The following IER3IP1 variants were observed in gnomAD, a reference collection of about 807,000 sequenced individuals.
IER3IP1 encodes immediate early response 3-interacting protein 1.
IER3IP1 carries 16 observed loss-of-function variants against 12.2 expected under a neutral mutation model. The observed-to-expected ratio is 1.31, with a 90% CI of 0.89 to 1.99. The LOEUF is 1.99. Ranked by LOEUF, IER3IP1 falls within the 30% of genes most tolerant of loss-of-function variation. The pLI, the probability that IER3IP1 is intolerant of heterozygous loss-of-function variation, is 0.00. For synonymous variants in IER3IP1, 42 were observed against 40.0 expected, an observed-to-expected ratio of 1.05 and a Z score of -0.19; for missense variants, 95 against 95.8, an observed-to-expected ratio of 0.99 and a Z score of 0.03.
chr18:47,171,066 TTGAG>T (rs1192880028), intron 1 of IER3IP1, among the ~76,000 whole-genome samples: 16 of 135,276 alleles, frequency 1.2e-4, no homozygotes, highest in Admixed American at 2.3e-4. Flanking sequence ...TGTTAGTTTG[TTGAG>T]TATTTTTTTT....
At chr18:47,176,358 TTCCTACGGAAGC>T in exon 1 of IER3IP1, 1 of 1,272,058 alleles carries the variant, frequency 7.9e-7, no homozygotes, top group African/African-American at 1.5e-5. Context: ...GGCCGGCGCC[TTCCTACGGAAGC>T]CGATGGGGCC....
At chr18:47,165,988 A>G (rs927014305) in intron 1 of IER3IP1, among the ~76,000 whole-genome samples, 3 of 152,272 alleles carry the variant, frequency 2.0e-5, no homozygotes, top group African/African-American at 7.2e-5. Flanking sequence ...TGTTCATAAC[A>G]TATACCTAGT....
chr18:47,168,176 G>C (rs2064002885), intron 1 of IER3IP1, among the ~76,000 whole-genome samples: 1 of 137,796 alleles, frequency 7.3e-6, no homozygotes, highest in African/African-American at 2.7e-5. Flanking sequence ...GTGGTGGTGG[G>C]TTCCTGTAAT....
intron 1 of IER3IP1, among the ~76,000 whole-genome samples, chr18:47,160,580 AT>A (rs1240854514): frequency 6.6e-6 from 1 of 152,202 alleles, no homozygotes; most frequent in African/African-American, 2.4e-5. Context: ...GAACATGGTA[AT>A]AGTTCCGCCT....
chr18:47,169,595 T>C (rs1477474275), intron 1 of IER3IP1, among the ~76,000 whole-genome samples: 1 of 151,230 alleles, frequency 6.6e-6, no homozygotes, highest in Non-Finnish European at 1.5e-5. Flanking sequence ...TTTTTAACTT[T>C]TTTATTTATT....
In IER3IP1 at chr18:47,157,466, G is replaced by C. The variant is rs763173824; in HGVS notation, c.163C>G (p.Leu55Val). 1 of 1,613,986 alleles carries C rather than the reference G, an allele frequency of 6.2e-7. No homozygotes were observed. The highest frequency in any genetic ancestry group is 1.7e-4 in the Middle Eastern group (1 of 6,060). The change falls in exon 2 of 3, where the codon CTT (leucine) becomes GTT (valine). Residue 55 changes from leucine (L) to valine (V), a missense_variant. Leu to Val is a conservative substitution (Grantham distance 32, BLOSUM62 1). Coordinates refer to ENST00000256433, the MANE Select transcript of IER3IP1 (RefSeq NM_016097.5). ...ATCACGGTTCTTACAGATCGAATAA[G>C]GTTCATTAGCTGTGATTTAATTCCC... ...EPGIKSQLMN[L>V]IRSVRTVMRV...
At chr18:47,159,043 C>CA (rs575793421) in intron 1 of IER3IP1, among the ~76,000 whole-genome samples, 3 of 151,910 alleles carry the variant, frequency 2.0e-5, no homozygotes, top group East Asian at 1.9e-4. Flanking sequence ...CCACTTTACA[C>CA]AAAAAAATAG....
At chr18:47,166,562 C>T (rs1283157365) in intron 1 of IER3IP1, among the ~76,000 whole-genome samples, 1 of 152,016 alleles carries the variant, frequency 6.6e-6, no homozygotes, top group Non-Finnish European at 1.5e-5. Context: ...GGAAGGGGCA[C>T]CTTATGGTAG....
At position 47,156,228 on chromosome 18, in the gene IER3IP1, T is replaced by G; in HGVS notation, c.198A>C (p.Pro66=). 1 of 1,546,554 alleles carries G rather than the reference T, an allele frequency of 6.5e-7. No individual in the cohort carries two copies. The highest frequency in any genetic ancestry group is 8.9e-7 in the Non-Finnish European group (1 of 1,122,510). Reference sequence around the variant, plus strand: ...TTGCAATTGAGTTTACTATTATCAATGGCACTGTAAAGAGAAAAAAAAAAG... The same window carrying G: ...TTGCAATTGAGTTTACTATTATCAAGGGCACTGTAAAGAGAAAAAAAAAAG... ...IRSVRTVMRV[P]LIIVNSIAIV... The change falls in exon 3 of 3, where the codon CCA becomes CCC. Residue 66 remains proline (P), a synonymous_variant. Coordinates refer to ENST00000256433, the MANE Select transcript of IER3IP1 (RefSeq NM_016097.5).
At chr18:47,163,044 C>T (rs2063984751) in intron 1 of IER3IP1, among the ~76,000 whole-genome samples, 1 of 151,970 alleles carries the variant, frequency 6.6e-6, no homozygotes, top group Non-Finnish European at 1.5e-5. Context: ...ACTCCAAGAT[C>T]CCCAGGGGAT....
In IER3IP1 at chr18:47,172,837, G is replaced by A. The variant is rs150654270; in HGVS notation, c.91+3350C>T. On this transcript the variant is annotated intron_variant, in intron 1 of 2. Transcript: ENST00000256433. The surrounding 1 kb of genome is among the most constrained non-coding windows in gnomAD (Gnocchi z 4.0). Reference sequence around the variant, plus strand: ...TGTAGTATCTCTTCAAACACTTCCTGACTCTGGTGAAATCCCACTGTCTAG... The same window carrying A: ...TGTAGTATCTCTTCAAACACTTCCTAACTCTGGTGAAATCCCACTGTCTAG... 2.1e-3 allele frequency among the ~76,000 whole-genome samples: 322 copies of A among 152,260 alleles called. 1 individual carries two copies. The Middle Eastern group carries it at 0.037, about 18-fold the overall frequency.
At chr18:47,171,458 C>G (rs1370644357) in intron 1 of IER3IP1, among the ~76,000 whole-genome samples, 2 of 152,150 alleles carry the variant, frequency 1.3e-5, no homozygotes, top group Admixed American at 6.5e-5. Context: ...ATTAAGTCTT[C>G]TTTAAATGTT....
chr18:47,165,651 C>T (rs146169467), intron 1 of IER3IP1, among the ~76,000 whole-genome samples: 1 of 151,958 alleles, frequency 6.6e-6, no homozygotes, highest in Non-Finnish European at 1.5e-5. Context: ...TAAAATTCAA[C>T]AAAAGCTTTT....
intron 1 of IER3IP1, among the ~76,000 whole-genome samples, chr18:47,171,842 T>C (rs1037176633): frequency 1.3e-5 from 2 of 152,004 alleles, no homozygotes; most frequent in Non-Finnish European, 2.9e-5. Flanking sequence ...GCCCAGGCTG[T>C]AGGGTGGTGG....
At chr18:47,167,305 C>A (rs1279322774) in intron 1 of IER3IP1, among the ~76,000 whole-genome samples, 1 of 152,174 alleles carries the variant, frequency 6.6e-6, no homozygotes, top group Non-Finnish European at 1.5e-5. Context: ...CCCGCCTCAG[C>A]CTCCCAAAAG....
At chr18:47,168,620 G>C (rs2064004958) in intron 1 of IER3IP1, among the ~76,000 whole-genome samples, 1 of 152,096 alleles carries the variant, frequency 6.6e-6, no homozygotes, top group Admixed American at 6.5e-5. Flanking sequence ...TTGTTATGCA[G>C]CATTCCATTA....
chr18:47,153,227 T>A lies in IER3IP1; in HGVS notation c.*2950A>T, dbSNP rs72907274. 0.026 allele frequency: 3,996 copies of A among 152,294 alleles called. 60 individuals carry two copies. The highest frequency in any genetic ancestry group is 0.04 in the Non-Finnish European group (2,755 of 68,060). 9.4% of individuals were successfully genotyped at this position (152,294 alleles called of 1,614,324 possible). A position where few individuals can be genotyped will look rare whatever the true frequency, so the allele number is the denominator to read the frequency against. On this transcript the variant is annotated 3_prime_UTR_variant, in exon 3 of 3. Coordinates refer to ENST00000256433, the MANE Select transcript of IER3IP1 (RefSeq NM_016097.5). ...AAGGTGGGGGAACTCATTTAGCTTT[T>A]TATTTCAATAGCTTTAGGGGTACAA...
At chr18:47,173,124 C>T (rs1475589699) in intron 1 of IER3IP1, among the ~76,000 whole-genome samples, 1 of 152,174 alleles carries the variant, frequency 6.6e-6, no homozygotes, top group Non-Finnish European at 1.5e-5. Flanking sequence ...TTTACATCTC[C>T]ACTTGCGTAT....
In IER3IP1 at chr18:47,156,147, C is replaced by A. The variant is rs2063958089; in HGVS notation, c.*30G>T. 8 of 1,359,798 alleles carry A rather than the reference C, an allele frequency of 5.9e-6. No homozygotes were observed. The highest frequency in any genetic ancestry group is 8.4e-6 in the Non-Finnish European group (8 of 949,000). The allele number at this position is 1,359,798 out of a possible 1,614,324, so 84.2% of individuals were successfully genotyped here. On this transcript the variant is annotated 3_prime_UTR_variant, in exon 3 of 3. Coordinates refer to ENST00000256433, the MANE Select transcript of IER3IP1 (RefSeq NM_016097.5). ...GTAATAACTTCTACTGGCATGTCCT[C>A]TTCTGAGTCTCCATTTTCTCCACTG...
Sources: gnomAD v4.1 joint callset for allele counts (sites outside exome capture counted in the v4.1 genomes callset) on GRCh38, gnomAD v4.1.1 for gene constraint, Gnocchi (gnomAD v3.1) non-coding constraint, MANE v1.5 for transcripts, NCBI Gene and HGNC (gene_info 2026-07-23, HGNC 2026-07-21) for gene names.